Variants in CAPN9 observed in about 807,000 individuals in gnomAD.
CAPN9 encodes calpain 9, also known as calpain-9.
Under a neutral mutation model 92.8 loss-of-function variants are expected in CAPN9, and 81 were observed. The ratio of observed to expected loss-of-function variants is 0.87; its 90% CI spans 0.73 to 1.05. The LOEUF is 1.05. Among genes scored for constraint, CAPN9 ranks in the 50% least tolerant of loss-of-function variants. The pLI is 0.00. For synonymous variants in CAPN9, 304 were observed against 328.0 expected (o/e 0.93, Z 0.79); for missense variants, 848 against 866.2 (o/e 0.98, Z 0.26).
intron 18 of CAPN9, 187 bp downstream of exon 18, chr1:230,795,466 A>G (rs1455131667): frequency 6.2e-5 from 34 of 545,570 alleles, no homozygotes; most frequent in East Asian, 5.7e-4. Flanking sequence ...CCTCCCCTGC[A>G]GCACGTTTCT....
At chr1:230,783,410 G>C (rs1667363534) in intron 11 of CAPN9, among the ~76,000 whole-genome samples, 1 of 152,180 alleles carries the variant, frequency 6.6e-6, no homozygotes, top group Admixed American at 6.5e-5. Context: ...GGTGGGAGAT[G>C]TTTGGGTCAT....
Position 230,769,185 on chromosome 1 carries a change from A to T in CAPN9, c.711A>T (p.Arg237Ser). The T allele has an allele frequency of 6.2e-7, 1 of 1,613,758 alleles. No homozygotes were observed. The highest frequency in any genetic ancestry group is 1.1e-5 in the South Asian group (1 of 91,066). The change falls in exon 6 of 20, where the codon AGA becomes AGT. Residue 237 changes from arginine to serine, a missense_variant. Coordinates refer to ENST00000271971, the MANE Select transcript of CAPN9 (RefSeq NM_006615.3). ...GSLLGCFIDTRSAAESEARTP... is the reference protein window; with the variant it reads ...GSLLGCFIDTSSAAESEARTP... ...CTGCTCTTTCCATGTTTTAGACCAG[A>T]AGTGCTGCAGAATCTGAGGCCCGGA... is the stretch of plus-strand genomic sequence containing the variant.
chr1:230,752,874 G>A (rs1664936146), intron 1 of CAPN9, among the ~76,000 whole-genome samples: 2 of 152,162 alleles, frequency 1.3e-5, no homozygotes, highest in South Asian at 2.1e-4. Context: ...GGTGACAGAT[G>A]AGGATGCAGC....
At position 230,759,520 on chromosome 1, in the gene CAPN9, T is replaced by C; in HGVS notation, c.292T>C (p.Trp98Arg). ...TGGCTTCCATTTTGCAGGAGACTGC[T>C]GGCTATTAGCCGCCATCGCCTCCCT... ...DICQGELGDC[W>R]LLAAIASLTL... Residue 98 changes from tryptophan to arginine, a missense_variant, in exon 3 of 20, where the codon TGG (tryptophan) becomes CGG (arginine). Trp to Arg is a moderately radical substitution (Grantham distance 101). Coordinates refer to ENST00000271971, the MANE Select transcript of CAPN9 (RefSeq NM_006615.3). 2.5e-6 allele frequency: 4 copies of C among 1,607,094 alleles called. No homozygotes were observed. Among genetic ancestry groups the C allele is most frequent in the Non-Finnish European group, 3.4e-6 (4 of 1,177,260 alleles).
chr1:230,749,652 G>C (rs976694172), intron 1 of CAPN9, among the ~76,000 whole-genome samples: 1 of 152,152 alleles, frequency 6.6e-6, no homozygotes, highest in Admixed American at 6.5e-5. Flanking sequence ...AGATGCTCAT[G>C]TTCTCTACAG....
intron 1 of CAPN9, among the ~76,000 whole-genome samples, chr1:230,752,039 C>A (rs868726544): frequency 2.0e-5 from 3 of 152,270 alleles, no homozygotes; most frequent in African/African-American, 4.8e-5. Flanking sequence ...TTCACAGGAA[C>A]AAATGTACAT....
rs1667553612 is a variant in CAPN9, at chr1:230,785,975, C to T, written c.1482-6C>T. ...ATTGAGGCAGTGTGTTTTTCTGCCC[C>T]TACAGGGATATGGATGGAAATGTAG... On this transcript the variant is annotated splice_region_variant and splice_polypyrimidine_tract_variant and intron_variant, in intron 11 of 19. Transcript: ENST00000271971. The T allele has an allele frequency of 6.2e-7, 1 of 1,613,842 alleles. No individual in the cohort carries two copies. Among genetic ancestry groups the T allele is most frequent in the Non-Finnish European group, 8.5e-7 (1 of 1,179,732 alleles).
At chr1:230,763,818 C>T (rs1309653515) in intron 4 of CAPN9, among the ~76,000 whole-genome samples, 7 of 152,208 alleles carry the variant, frequency 4.6e-5, no homozygotes, top group African/African-American at 9.7e-5. Context: ...AAGATGCCCA[C>T]GCTTGCCCTC....
In CAPN9 at chr1:230,767,137, T is replaced by A. The variant is rs941840493; in HGVS notation, c.537-404T>A. Reference sequence around the variant, plus strand: ...TAGCCAGGCCCCGTTCCATGGGAGGTTAGAGAGTGAGACACACGATTTGAA... The same window carrying A: ...TAGCCAGGCCCCGTTCCATGGGAGGATAGAGAGTGAGACACACGATTTGAA... On this transcript the variant is annotated intron_variant, in intron 4 of 19. Transcript: ENST00000271971. 2.1e-4 allele frequency among the ~76,000 whole-genome samples: 32 copies of A among 151,672 alleles called. 1 individual carries two copies. The highest frequency in any genetic ancestry group is 2.9e-5 in the Non-Finnish European group (2 of 67,942).
At chr1:230,756,079 G>A (rs571150891) in intron 2 of CAPN9, among the ~76,000 whole-genome samples, 8 of 151,670 alleles carry the variant, frequency 5.3e-5, no homozygotes, top group East Asian at 1.9e-4. Flanking sequence ...GTGAGAGAGC[G>A]AGAGACTTTC....
At chr1:230,781,696 G>A (rs1252789668) in intron 11 of CAPN9, among the ~76,000 whole-genome samples, 1 of 152,200 alleles carries the variant, frequency 6.6e-6, no homozygotes, top group Admixed American at 6.5e-5. Flanking sequence ...TGCTAATTCT[G>A]TATTTAAGCT....
chr1:230,800,933 G>T (rs1668689052), intron 19 of CAPN9, among the ~76,000 whole-genome samples: 2 of 152,144 alleles, frequency 1.3e-5, no homozygotes, highest in African/African-American at 2.4e-5. Context: ...AAAGGCCTGT[G>T]CACCTTTCAT....
rs1572006109 is a variant in CAPN9, at chr1:230,751,646, A to G, written c.214-3691A>G. Among the ~76,000 whole-genome samples the G allele has an allele frequency of 1.7e-4, 16 of 93,600 alleles. 2 individuals carry two copies. In the East Asian group the frequency reaches 3.0e-3, roughly 17 times the overall value. 61.4% of individuals were successfully genotyped at this position (93,600 alleles called of 152,430 possible). On this transcript the variant is annotated intron_variant, in intron 1 of 19. Transcript: ENST00000271971. ...AAGAAAGAAAGAAAGAAAGAAAGAA[A>G]GAAAGAAAGAAAGAAAGAAAGAAAG...
At chr1:230,784,746 A>T (rs923833595) in intron 11 of CAPN9, among the ~76,000 whole-genome samples, 1 of 152,264 alleles carries the variant, frequency 6.6e-6, no homozygotes, top group Non-Finnish European at 1.5e-5. Flanking sequence ...GAGAACTTCT[A>T]CTAGGGCTAT....
intron 11 of CAPN9, among the ~76,000 whole-genome samples, chr1:230,782,522 C>T (rs1054933039): frequency 2.6e-5 from 4 of 152,190 alleles, no homozygotes; most frequent in African/African-American, 9.7e-5. Flanking sequence ...AAGCTGAAGC[C>T]TGCTCCTCCT....
chr1:230,792,896 C>G lies in CAPN9; in HGVS notation c.1838C>G (p.Thr613Ser). Residue 613 changes from threonine to serine, a missense_variant, in exon 17 of 20, where the codon ACC (threonine) becomes AGC (serine). Coordinates refer to ENST00000271971, the MANE Select transcript of CAPN9 (RefSeq NM_006615.3). ...FDADKSGTMS[T>S]YELRTALKAA... ...GCTGACAAGTCCGGCACCATGTCTA[C>G]CTATGAACTACGGACTGCACTGAAA... The G allele has an allele frequency of 6.2e-7, 1 of 1,614,036 alleles. No homozygotes were observed. Among genetic ancestry groups the G allele is most frequent in the Non-Finnish European group, 8.5e-7 (1 of 1,179,910 alleles).
chr1:230,768,053 TAAAA>T lies in CAPN9; in HGVS notation c.705+347_705+350del, dbSNP rs869182368. On this transcript the variant is annotated intron_variant, in intron 5 of 19. Transcript: ENST00000271971. The stretch of plus-strand genomic sequence containing the variant: ...ATAAATAAATAAATAAATAAATAAA[TAAAA>T]AATAAAATAAAATAAAATAAAAATA... 1.0e-2 allele frequency among the ~76,000 whole-genome samples: 698 copies of T among 69,886 alleles called. 9 individuals are homozygous for T. The highest frequency in any genetic ancestry group is 0.026 in the African/African-American group (623 of 24,202). 45.8% of individuals were successfully genotyped at this position (69,886 alleles called of 152,430 possible). A position where few individuals can be genotyped will look rare whatever the true frequency, so the allele number is the denominator to read the frequency against.
Position 230,798,235 on chromosome 1 carries a change from G to T in CAPN9, c.2046+15G>T, listed in dbSNP as rs768016300. On this transcript the variant is annotated intron_variant, in intron 19 of 19. Coordinates refer to ENST00000271971, the MANE Select transcript of CAPN9 (RefSeq NM_006615.3). The stretch of plus-strand genomic sequence containing the variant: ...ATATAAATGAGGTATGGCCAATCCA[G>T]ACCCTCTGCTCAGGGACCCAGCTGG... The T allele has an allele frequency of 6.3e-7, 1 of 1,594,044 alleles. No homozygotes were observed. The highest frequency in any genetic ancestry group is 8.6e-7 in the Non-Finnish European group (1 of 1,162,274).
chr1:230,747,409 G>A lies in CAPN9; in HGVS notation c.-88G>A. 8.3e-7 allele frequency: 1 copy of A among 1,200,040 alleles called. No individual in the cohort carries two copies. The highest frequency in any genetic ancestry group is 1.2e-6 in the Non-Finnish European group (1 of 807,386). The allele number at this position is 1,200,040 out of a possible 1,614,324, so 74.3% of individuals were successfully genotyped here. On this transcript the variant is annotated 5_prime_UTR_variant, in exon 1 of 20. Transcript: ENST00000271971. The stretch of plus-strand genomic sequence containing the variant: ...ACTCAGCCCAGTGGCCCTCTGAGCT[G>A]TTCCTTCTTGACCGGCACACACAGC...
Sources: gnomAD v4.1 joint callset for allele counts (sites outside exome capture counted in the v4.1 genomes callset) on GRCh38, gnomAD v4.1.1 for gene constraint, MANE v1.5 for transcripts, NCBI Gene and HGNC (gene_info 2026-07-23, HGNC 2026-07-21) for gene names.